Variants in WIPF2 observed in about 807,000 individuals in gnomAD.
WIPF2 encodes the protein WAS/WASL interacting protein family member 2.
A neutral mutation model predicts 38.8 loss-of-function variants in WIPF2; 23 were observed. That is an observed-to-expected ratio of 0.59 (90% CI 0.43 to 0.84). The LOEUF (loss-of-function observed/expected upper bound fraction) is 0.84, where lower values mean the gene tolerates loss of function less well. Ranked by LOEUF, WIPF2 falls within the 40% of genes least tolerant of loss-of-function variation. WIPF2 has a pLI of 0.00. For missense variants in WIPF2, 574 were observed against 580.5 expected (o/e 0.99, Z 0.11); for synonymous variants, 210 against 223.2 (o/e 0.94, Z 0.53).
In WIPF2 at chr17:40,277,126, T is replaced by C; in HGVS notation, c.1224T>C (p.Phe408=). Residue 408 remains phenylalanine (F), a synonymous_variant, in exon 7 of 8, where the codon TTT becomes TTC. Coordinates refer to ENST00000323571, the MANE Select transcript of WIPF2 (RefSeq NM_133264.5). ...SKYSFHPVED[F]PAPEEYKHFQ... is the part of the protein sequence containing the mutation. ...ATTCCTTCCATCCAGTAGAAGACTT[T>C]CCTGCTCCAGAAGAATATAAACACT... 6.2e-7 allele frequency: 1 copy of C among 1,613,632 alleles called. No individual in the cohort carries two copies. The highest frequency in any genetic ancestry group is 1.3e-5 in the African/African-American group (1 of 75,030).
intron 6 of WIPF2, among the ~76,000 whole-genome samples, 186 bp downstream of exon 6, chr17:40,274,185 T>G (rs557874655): frequency 1.3e-5 from 2 of 152,186 alleles, no homozygotes; most frequent in Admixed American, 6.5e-5. Context: ...TATCTTGATA[T>G]GAATTCTAAG....
intron 1 of WIPF2, among the ~76,000 whole-genome samples, chr17:40,230,852 C>G (rs758130145): frequency 6.6e-6 from 1 of 152,190 alleles, no homozygotes. Context: ...GATGAATATA[C>G]TGTCATACCC....
intron 1 of WIPF2, among the ~76,000 whole-genome samples, chr17:40,229,216 A>T (rs911824900): frequency 1.3e-5 from 2 of 150,726 alleles, no homozygotes; most frequent in Non-Finnish European, 2.9e-5. Context: ...GGTTCAAGCG[A>T]TTCTCCTGCC....
chr17:40,227,595 G>A (rs745677914), intron 1 of WIPF2, among the ~76,000 whole-genome samples: 1 of 151,934 alleles, frequency 6.6e-6, no homozygotes, highest in Non-Finnish European at 1.5e-5. Context: ...GCTCACACCT[G>A]TAATCCCAGC....
chr17:40,236,598 A>AC (rs1264104716), intron 1 of WIPF2, among the ~76,000 whole-genome samples: 2 of 123,198 alleles, frequency 1.6e-5, no homozygotes, highest in African/African-American at 6.3e-5. Context: ...GAGCTGCCTC[A>AC]CTCAGCCTCT....
Position 40,264,567 on chromosome 17 carries a change from A to G in WIPF2, c.391A>G (p.Ser131Gly). The G allele has an allele frequency of 6.2e-7, 1 of 1,614,108 alleles. No homozygotes were observed. The highest frequency in any genetic ancestry group is 8.5e-7 in the Non-Finnish European group (1 of 1,180,008). ...CCCAAGGCCTCCAGTATCTGCCGCC[A>G]GCGGGCGTCCTCAGGATGATACAGA... ...AAPRPPVSAA[S>G]GRPQDDTDSS... The change falls in exon 5 of 8, where the codon AGC becomes GGC. Residue 131 changes from serine (S) to glycine (G), a missense_variant. By Grantham distance (56) the Ser-to-Gly change is moderately conservative. Transcript: ENST00000323571.
intron 1 of WIPF2, among the ~76,000 whole-genome samples, chr17:40,221,017 C>T (rs900365767): frequency 1.3e-5 from 2 of 151,908 alleles, no homozygotes; most frequent in South Asian, 2.1e-4. Context: ...CTCCTGACCT[C>T]GTGATCCGCC....
At chr17:40,269,202 C>T (rs1415377350) in intron 5 of WIPF2, among the ~76,000 whole-genome samples, 1 of 152,090 alleles carries the variant, frequency 6.6e-6, no homozygotes, top group African/African-American at 2.4e-5. Context: ...TGCCTGTAAT[C>T]CCAGCTACTC....
intron 5 of WIPF2, among the ~76,000 whole-genome samples, chr17:40,271,845 C>A (rs77632688): frequency 5.3e-4 from 80 of 152,196 alleles, no homozygotes; most frequent in African/African-American, 1.9e-3. Flanking sequence ...TTAGTTAATA[C>A]AGAGCATAGG....
At chr17:40,274,036 C>T (rs577792034) in intron 6 of WIPF2, 37 bp downstream of exon 6, 82 of 1,482,428 alleles carry the variant, frequency 5.5e-5, no homozygotes, top group African/African-American at 7.1e-5. Context: ...ATGGTTCCTG[C>T]GGTGACTTCA....
At chr17:40,237,896 C>CA (rs758183706) in intron 1 of WIPF2, among the ~76,000 whole-genome samples, 29,003 of 105,880 alleles carry the variant, frequency 0.27, 4,863 homozygotes, top group African/African-American at 0.52. Flanking sequence ...ACTAAAATAC[C>CA]AAAAAAAAAA....
Position 40,278,746 on chromosome 17 carries a change from A to T in WIPF2, c.*521A>T, listed in dbSNP as rs546093354. ...TGTTTTAAAGGTCATATTTGGAGAAAGGGCAAGGAATTGGGTCTGCTTTAT... is the reference window on the plus strand; with the variant it reads ...TGTTTTAAAGGTCATATTTGGAGAATGGGCAAGGAATTGGGTCTGCTTTAT... On this transcript the variant is annotated 3_prime_UTR_variant, in exon 8 of 8. Coordinates refer to ENST00000323571, the MANE Select transcript of WIPF2 (RefSeq NM_133264.5). 6.5e-6 allele frequency: 1 copy of T among 152,814 alleles called. No individual in the cohort carries two copies. The highest frequency in any genetic ancestry group is 2.4e-5 in the African/African-American group (1 of 41,534). 9.5% of individuals were successfully genotyped at this position (152,814 alleles called of 1,614,324 possible).
intron 2 of WIPF2, among the ~76,000 whole-genome samples, chr17:40,258,659 T>C (rs1022603513): frequency 2.0e-5 from 3 of 151,880 alleles, no homozygotes; most frequent in Admixed American, 2.0e-4. Context: ...TGAAGGCTTT[T>C]AGGTAGGTGG....
chr17:40,227,078 G>A (rs2030524500), intron 1 of WIPF2, among the ~76,000 whole-genome samples: 1 of 151,804 alleles, frequency 6.6e-6, no homozygotes. Context: ...GTTTCACTGT[G>A]TCAGCCAGGC....
chr17:40,250,319 C>CT lies in WIPF2; in HGVS notation c.-69-6071dup, dbSNP rs531705305. ...ATTCTCGGCTCACTGCAAGCTCTGC[C>CT]TCCCGGGTTCACGCCATTCTTCTGC... On this transcript the variant is annotated intron_variant, in intron 1 of 7. Transcript: ENST00000323571. 1.8e-3 allele frequency among the ~76,000 whole-genome samples: 262 copies of CT among 146,496 alleles called. 1 individual carries two copies. The highest frequency in any genetic ancestry group is 3.1e-3 in the Non-Finnish European group (211 of 67,160).
At chr17:40,229,791 C>T (rs779890856) in intron 1 of WIPF2, among the ~76,000 whole-genome samples, 14 of 152,110 alleles carry the variant, frequency 9.2e-5, no homozygotes, top group Non-Finnish European at 4.4e-5. Context: ...AATGGTTAGC[C>T]CATCCCAGGT....
intron 1 of WIPF2, among the ~76,000 whole-genome samples, chr17:40,244,689 A>G (rs2031302296): frequency 6.6e-6 from 1 of 152,172 alleles, no homozygotes; most frequent in African/African-American, 2.4e-5. Context: ...AGGATGGCCT[A>G]TATATAAAGC....
At chr17:40,249,156 G>C (rs149422725) in intron 1 of WIPF2, among the ~76,000 whole-genome samples, 2 of 152,074 alleles carry the variant, frequency 1.3e-5, no homozygotes, top group South Asian at 2.1e-4. Flanking sequence ...CTTGATTTTC[G>C]TGTCTTTTTA....
At chr17:40,256,595 T>C (rs1346741854) in intron 2 of WIPF2, 73 bp downstream of exon 2, 1 of 1,514,598 alleles carries the variant, frequency 6.6e-7, no homozygotes, top group Non-Finnish European at 8.8e-7. Context: ...ATACTTTTTT[T>C]TTCTTTTAAC....
Sources: gnomAD v4.1 joint callset for allele counts (sites outside exome capture counted in the v4.1 genomes callset) on GRCh38, gnomAD v4.1.1 for gene constraint, MANE v1.5 for transcripts, NCBI Gene and HGNC (gene_info 2026-07-23, HGNC 2026-07-21) for gene names.